RGS6: variants seen among roughly 807,000 people sequenced by gnomAD.
RGS6 encodes regulator of G protein signaling 6.
RGS6 carries 30 observed loss-of-function variants against 78.5 expected under a neutral mutation model. The ratio of observed to expected loss-of-function variants is 0.38; its 90% CI spans 0.29 to 0.52. The LOEUF (loss-of-function observed/expected upper bound fraction) is 0.52. RGS6 is among the 20% of genes least tolerant of loss of function. The pLI, the probability that RGS6 is intolerant of heterozygous loss-of-function variation, is 0.85. For synonymous variants in RGS6, 206 were observed against 206.0 expected (o/e 1.00, Z 0.00); for missense variants, 495 against 609.7 (o/e 0.81, Z 1.98).
chr14:72,035,508 G>A (rs577628132), intron 2 of RGS6, among the ~76,000 whole-genome samples: 54 of 150,634 alleles, frequency 3.6e-4, no homozygotes, highest in African/African-American at 1.1e-3. Flanking sequence ...CCTCTTTCTC[G>A]CAACTTTGGG....
rs145879919 is a variant in RGS6 at position 72,250,622 on chromosome 14, C to T, written c.85-101473C>T. Among the ~76,000 whole-genome samples the T allele has an allele frequency of 2.2e-4, 34 of 152,138 alleles. 1 individual carries two copies. Among genetic ancestry groups the T allele is most frequent in the African/African-American group, 8.2e-4 (34 of 41,486 alleles). ...CCAGTGGGTTTCAATCTTGAATAAA[C>T]AGAGGATCACCTATAAACTCAAGAA... On this transcript the variant is annotated intron_variant, in intron 2 of 17. Transcript: ENST00000553525.
At chr14:72,241,170 A>C (rs1600241806) in intron 2 of RGS6, among the ~76,000 whole-genome samples, 1 of 151,750 alleles carries the variant, frequency 6.6e-6, no homozygotes, top group Non-Finnish European at 1.5e-5. Flanking sequence ...AAAAAAAAAA[A>C]ACAAAACTTA....
chr14:71,988,823 A>G (rs1431271991), intron 2 of RGS6, among the ~76,000 whole-genome samples: 1 of 152,182 alleles, frequency 6.6e-6, no homozygotes, highest in Non-Finnish European at 1.5e-5. Context: ...GAGGGGGTAT[A>G]CAAGATAAAT....
chr14:72,600,423 G>T, the RGS6 span, among the ~76,000 whole-genome samples: 1 of 152,046 alleles, frequency 6.6e-6, no homozygotes, highest in East Asian at 1.9e-4. Context: ...GCCCAGGATG[G>T]CAGTGAACTA....
chr14:72,362,205 C>A (rs1416917887), intron 3 of RGS6, among the ~76,000 whole-genome samples: 1 of 152,040 alleles, frequency 6.6e-6, no homozygotes, highest in Admixed American at 6.5e-5. Flanking sequence ...GTGAGAGAAA[C>A]AGACACAGGT....
intron 2 of RGS6, among the ~76,000 whole-genome samples, chr14:72,281,720 C>T (rs893087297): frequency 6.6e-6 from 1 of 152,126 alleles, no homozygotes; most frequent in Admixed American, 6.5e-5. Context: ...AGAAGGAACA[C>T]ACAAGCAAAG....
At chr14:72,392,399 ACCCACCGGAACT>A (rs1859956467) in intron 3 of RGS6, among the ~76,000 whole-genome samples, 1 of 151,886 alleles carries the variant, frequency 6.6e-6, no homozygotes, top group South Asian at 2.1e-4. Flanking sequence ...ACCCATGAAG[ACCCACCGGAACT>A]CAGGTCAGTT....
At chr14:71,958,817 C>T (rs2092984453) in intron 1 of RGS6, among the ~76,000 whole-genome samples, 1 of 152,138 alleles carries the variant, frequency 6.6e-6, no homozygotes, top group Non-Finnish European at 1.5e-5. Context: ...TGTAAATCTC[C>T]AGGGACCACC....
intron 3 of RGS6, among the ~76,000 whole-genome samples, chr14:72,442,072 A>G (rs1399459855): frequency 6.6e-6 from 1 of 152,142 alleles, no homozygotes; most frequent in Non-Finnish European, 1.5e-5. Context: ...GTCCTCACCA[A>G]CGCTGAGATG....
intron 1 of RGS6, among the ~76,000 whole-genome samples, chr14:71,961,124 G>A (rs2093164233): frequency 6.6e-6 from 1 of 152,182 alleles, no homozygotes; most frequent in African/African-American, 2.4e-5. Flanking sequence ...GAGGGATGCT[G>A]AGTCAGATGG....
At chr14:71,925,713 A>ATATTATATTATATTATATTATATTATAT in the RGS6 span, among the ~76,000 whole-genome samples, 4 of 75,954 alleles carry the variant, frequency 5.3e-5, no homozygotes, top group African/African-American at 2.4e-4. Flanking sequence ...AGATGACTTC[A>ATATTATATTATATTATATTATATTATAT]TATTATATTA....
At chr14:72,177,791 C>T (rs574824170) in intron 2 of RGS6, among the ~76,000 whole-genome samples, 2 of 152,290 alleles carry the variant, frequency 1.3e-5, no homozygotes, top group South Asian at 4.1e-4. Flanking sequence ...ATGACCAATT[C>T]TAGTAATAGG....
chr14:72,096,123 A>T (rs2095401068), intron 2 of RGS6, among the ~76,000 whole-genome samples: 3 of 152,144 alleles, frequency 2.0e-5, no homozygotes, highest in Admixed American at 2.0e-4. Flanking sequence ...TACAAAAAAA[A>T]TTAGCTGAGT....
intron 7 of RGS6, among the ~76,000 whole-genome samples, chr14:72,468,690 C>T (rs1394752189): frequency 3.3e-5 from 5 of 152,092 alleles, no homozygotes; most frequent in Non-Finnish European, 7.4e-5. Context: ...GTAGGTATCT[C>T]GGGGTCTTTA....
At chr14:72,041,485 A>G (rs961493181) in intron 2 of RGS6, among the ~76,000 whole-genome samples, 2 of 152,176 alleles carry the variant, frequency 1.3e-5, no homozygotes, top group African/African-American at 4.8e-5. Flanking sequence ...GTTTCCCGTT[A>G]GAGTCTGTGT....
rs1323059217 is a variant in RGS6, at chr14:72,052,971, TTCTTTCTTTCTTTCTCTCTCTC to T, written c.84+88100_84+88121del. 1.7e-3 allele frequency among the ~76,000 whole-genome samples: 88 copies of T among 50,536 alleles called. 1 individual carries two copies. Among genetic ancestry groups the T allele is most frequent in the Middle Eastern group, 0.021 (2 of 96 alleles). 33.2% of individuals were successfully genotyped at this position (50,536 alleles called of 152,430 possible). A position where few individuals can be genotyped will look rare whatever the true frequency, so the allele number is the denominator to read the frequency against. ...TTTCTTTCTTTCTTTCTTTCTTTCT[TTCTTTCTTTCTTTCTCTCTCTC>T]TCTCTCTCTCTCTTTCTTTCCTTCT... On this transcript the variant is annotated intron_variant, in intron 2 of 17. Transcript: ENST00000553525.
the RGS6 span, among the ~76,000 whole-genome samples, chr14:71,897,165 G>A: frequency 4.3e-4 from 65 of 152,370 alleles, no homozygotes; most frequent in African/African-American, 1.5e-3. Context: ...CACATAGTAG[G>A]TGGTAGATAA....
intron 3 of RGS6, among the ~76,000 whole-genome samples, chr14:72,369,969 T>C (rs2152830330): frequency 6.6e-6 from 1 of 152,274 alleles, no homozygotes; most frequent in East Asian, 1.9e-4. Flanking sequence ...TTTTTTCAGA[T>C]TTTTTTCTCC....
intron 3 of RGS6, among the ~76,000 whole-genome samples, chr14:72,400,130 C>T (rs940661283): frequency 6.6e-6 from 1 of 152,136 alleles, no homozygotes; most frequent in African/African-American, 2.4e-5. Context: ...GTTAAGGCAG[C>T]CAGAGAGAAA....
Sources: gnomAD v4.1 joint callset for allele counts (sites outside exome capture counted in the v4.1 genomes callset) on GRCh38, gnomAD v4.1.1 for gene constraint, MANE v1.5 for transcripts, NCBI Gene and HGNC (gene_info 2026-07-23, HGNC 2026-07-21) for gene names.